ACYP2: variants seen among roughly 807,000 people sequenced by gnomAD.
ACYP2 encodes the protein acylphosphatase-2.
Under a neutral mutation model 11.2 loss-of-function variants are expected in ACYP2, and 12 were observed. That is an observed-to-expected ratio of 1.08 (90% CI 0.69 to 1.74). The LOEUF is 1.74. ACYP2 is among the 40% of genes most tolerant of loss of function. The pLI is 0.00. For synonymous variants in ACYP2, 43 were observed against 32.2 expected, an observed-to-expected ratio of 1.33 and a Z score of -1.13; for missense variants, 134 against 101.9, an observed-to-expected ratio of 1.31 and a Z score of -1.35.
At chr2:54,267,431 G>T in intron 6 of ACYP2, 1 of 1,386,054 alleles carries the variant, frequency 7.2e-7, no homozygotes, top group Non-Finnish European at 9.7e-7. Flanking sequence ...GGGAACAGAA[G>T]GAGGGAGAAG....
intron 6 of ACYP2, among the ~76,000 whole-genome samples, chr2:54,248,729 C>T (rs11125529): frequency 3.9e-5 from 6 of 152,070 alleles, no homozygotes; most frequent in Admixed American, 2.6e-4. Flanking sequence ...ACTAAAACAT[C>T]ATCTTGGCCC....
intron 6 of ACYP2, chr2:54,267,281 C>A (rs931593146): frequency 6.5e-7 from 1 of 1,547,326 alleles, no homozygotes; most frequent in Admixed American, 2.0e-5. Context: ...TCAGAATTTC[C>A]ATTTGACTTA....
chr2:54,105,352 G>T (rs1217007420), intron 4 of ACYP2, among the ~76,000 whole-genome samples: 1 of 152,082 alleles, frequency 6.6e-6, no homozygotes, highest in Non-Finnish European at 1.5e-5. Context: ...CCTCTGCGTG[G>T]ATTAAGTTCT....
chr2:54,146,989 T>C (rs1337394451), intron 6 of ACYP2, among the ~76,000 whole-genome samples: 1 of 151,938 alleles, frequency 6.6e-6, no homozygotes, highest in Non-Finnish European at 1.5e-5. Context: ...GAGATGGAGG[T>C]TTCACCATGT....
At chr2:54,002,350 C>CT (rs35906411) in intron 2 of ACYP2, among the ~76,000 whole-genome samples, 62,698 of 144,670 alleles carry the variant, frequency 0.43, 13,617 homozygotes, top group South Asian at 0.51. Flanking sequence ...TCATTTCTTT[C>CT]TTTTTTTTTT....
chr2:54,131,663 A>G lies in ACYP2; in HGVS notation c.278-3790A>G, dbSNP rs146391013. Among the ~76,000 whole-genome samples, 52 of 152,350 alleles carry G rather than the reference A, an allele frequency of 3.4e-4. 1 individual carries two copies. The highest frequency in any genetic ancestry group is 1.2e-3 in the African/African-American group (51 of 41,590). ...AATACATGAGTTATTACCAACACCA[A>G]CTTGAACAGTGTGATGGAGCGTGCA... On this transcript the variant is annotated intron_variant, in intron 4 of 6. Coordinates refer to ENST00000607452, the MANE Select transcript of ACYP2 (RefSeq NM_001320586.2).
intron 4 of ACYP2, among the ~76,000 whole-genome samples, chr2:54,132,846 G>A (rs542103398): frequency 1.6e-3 from 239 of 151,432 alleles, no homozygotes; most frequent in Middle Eastern, 6.8e-3. Context: ...CCAGGCTCAA[G>A]TGATTCTCCT....
At chr2:54,026,631 C>G (rs868152570) in intron 2 of ACYP2, among the ~76,000 whole-genome samples, 2 of 152,150 alleles carry the variant, frequency 1.3e-5, no homozygotes, top group South Asian at 4.1e-4. Context: ...CAGCACAATT[C>G]GCAACTGCAA....
intron 6 of ACYP2, among the ~76,000 whole-genome samples, chr2:54,193,774 T>G (rs1684337676): frequency 6.6e-6 from 1 of 152,202 alleles, no homozygotes; most frequent in East Asian, 1.9e-4. Context: ...GCAGCAATTT[T>G]TGTGATCTGT....
At chr2:54,276,437 G>A (rs1286091551) in intron 6 of ACYP2, among the ~76,000 whole-genome samples, 5 of 152,104 alleles carry the variant, frequency 3.3e-5, no homozygotes, top group Admixed American at 3.3e-4. Flanking sequence ...CCATGATGGA[G>A]TTACTAAACC....
intron 6 of ACYP2, among the ~76,000 whole-genome samples, chr2:54,237,636 T>C (rs1686547062): frequency 6.6e-6 from 1 of 152,234 alleles, no homozygotes. Flanking sequence ...AGTCTGATAC[T>C]TGCACCTTTG....
At chr2:54,062,632 T>A (rs1356132888) in intron 4 of ACYP2, among the ~76,000 whole-genome samples, 1 of 152,248 alleles carries the variant, frequency 6.6e-6, no homozygotes, top group Non-Finnish European at 1.5e-5. Flanking sequence ...TAAACTGGAA[T>A]GTCTGCTGTG....
chr2:54,249,588 A>G (rs1013922280), intron 6 of ACYP2, among the ~76,000 whole-genome samples: 2 of 152,188 alleles, frequency 1.3e-5, no homozygotes, highest in African/African-American at 2.4e-5. Context: ...TGGAAAACTT[A>G]TATTTAAGGG....
chr2:54,154,953 A>G (rs1682364724), intron 6 of ACYP2, among the ~76,000 whole-genome samples: 2 of 152,164 alleles, frequency 1.3e-5, no homozygotes, highest in Middle Eastern at 3.2e-3. Flanking sequence ...TGAATTACCA[A>G]TTCAATTATT....
chr2:54,248,916 T>C (rs1048922234), intron 6 of ACYP2, among the ~76,000 whole-genome samples: 3 of 152,176 alleles, frequency 2.0e-5, no homozygotes, highest in African/African-American at 4.8e-5. Flanking sequence ...TGGTGTGATT[T>C]CCATGGTTGA....
At chr2:54,150,778 G>A (rs1252472810) in intron 6 of ACYP2, among the ~76,000 whole-genome samples, 1 of 131,610 alleles carries the variant, frequency 7.6e-6, no homozygotes, top group Non-Finnish European at 1.6e-5. Context: ...GTCTTGCTCT[G>A]TCGCCCAGGC....
At chr2:54,278,502 C>T (rs1441463787) in intron 6 of ACYP2, among the ~76,000 whole-genome samples, 1 of 152,182 alleles carries the variant, frequency 6.6e-6, no homozygotes, top group Non-Finnish European at 1.5e-5. Context: ...ATCAACTTGG[C>T]ATCATTTCCT....
At chr2:54,004,916 CAAAA>C (rs1400560909) in intron 2 of ACYP2, among the ~76,000 whole-genome samples, 9 of 123,130 alleles carry the variant, frequency 7.3e-5, no homozygotes, top group South Asian at 2.6e-4. Flanking sequence ...AAAAAAAAAA[CAAAA>C]GAAAGAAAAG....
At chr2:54,038,636 G>A (rs1336578259) in intron 2 of ACYP2, among the ~76,000 whole-genome samples, 2 of 132,428 alleles carry the variant, frequency 1.5e-5, no homozygotes, top group African/African-American at 5.7e-5. Context: ...TTTGCATACA[G>A]TAGGCATTCA....
Sources: gnomAD v4.1 joint callset for allele counts (sites outside exome capture counted in the v4.1 genomes callset) on GRCh38, gnomAD v4.1.1 for gene constraint, MANE v1.5 for transcripts, NCBI Gene and HGNC (gene_info 2026-07-23, HGNC 2026-07-21) for gene names.